Variants in RORA observed in about 807,000 individuals in gnomAD.
RORA encodes nuclear receptor ROR-alpha.
A neutral mutation model predicts 69.5 loss-of-function variants in RORA; 7 were observed. The ratio of observed to expected loss-of-function variants is 0.10; its 90% CI spans 0.06 to 0.19. RORA has a LOEUF of 0.19. RORA is among the 10% of genes least tolerant of loss of function. The pLI is 1.00. For missense variants in RORA, 457 were observed against 663.0 expected, an observed-to-expected ratio of 0.69 and a Z score of 3.41; for synonymous variants, 261 against 240.8, an observed-to-expected ratio of 1.08 and a Z score of -0.78.
At chr15:60,799,852 T>C (rs754868765) in intron 1 of RORA, among the ~76,000 whole-genome samples, 6 of 152,236 alleles carry the variant, frequency 3.9e-5, no homozygotes, top group Non-Finnish European at 5.9e-5. Context: ...TCAAGATATG[T>C]AGATAGGAAT....
intron 2 of RORA, among the ~76,000 whole-genome samples, chr15:60,541,555 G>A (rs1376893496): frequency 3.3e-5 from 5 of 152,186 alleles, no homozygotes. Context: ...ATTCCCAAGG[G>A]GAAGTGGCAG....
At chr15:61,113,743 T>C (rs1195556175) in intron 1 of RORA, among the ~76,000 whole-genome samples, 1 of 152,100 alleles carries the variant, frequency 6.6e-6, no homozygotes, top group African/African-American at 2.4e-5. Context: ...TTTCTTGAGA[T>C]TACTGCTCAG....
At position 60,526,998 on chromosome 15, in the gene RORA, T is replaced by G. The variant is rs148962708; in HGVS notation, c.282+4768A>C. ...AATATATTTGTTAACGCAGAGACAT[T>G]GTCTCAAATTATCTTTAGTGGGTAG... On this transcript the variant is annotated intron_variant, in intron 3 of 10. Transcript: ENST00000335670. Among the ~76,000 whole-genome samples the G allele has an allele frequency of 4.6e-5, 7 of 152,330 alleles. No individual in the cohort carries two copies. In the East Asian group the frequency reaches 1.2e-3, roughly 25 times the overall value.
At chr15:60,787,169 C>A (rs986006472) in intron 1 of RORA, among the ~76,000 whole-genome samples, 2 of 152,202 alleles carry the variant, frequency 1.3e-5, no homozygotes, top group Admixed American at 6.5e-5. Context: ...AAGAGAAATG[C>A]TGGGGAGCGC....
At chr15:61,072,246 A>T (rs1198033940) in intron 1 of RORA, among the ~76,000 whole-genome samples, 1 of 152,168 alleles carries the variant, frequency 6.6e-6, no homozygotes. Context: ...ATGAGAAGAC[A>T]TCATTACCTG....
chr15:60,908,889 TA>T (rs1236716729), intron 1 of RORA, among the ~76,000 whole-genome samples: 1 of 151,910 alleles, frequency 6.6e-6, no homozygotes, highest in Non-Finnish European at 1.5e-5. Flanking sequence ...TTTTTTTTTT[TA>T]TTAAAGAGAG....
chr15:60,985,981 G>T (rs8028205), intron 1 of RORA, among the ~76,000 whole-genome samples: 33,621 of 152,102 alleles, frequency 0.22, 3,950 homozygotes, highest in African/African-American at 0.28. Flanking sequence ...GAACCACAAC[G>T]GATCCGAATC....
At chr15:60,852,949 C>A (rs1158280035) in intron 1 of RORA, among the ~76,000 whole-genome samples, 1 of 152,058 alleles carries the variant, frequency 6.6e-6, no homozygotes, top group African/African-American at 2.4e-5. Flanking sequence ...GGACAAAGGC[C>A]CTCTTCTGCT....
chr15:60,804,122 C>G (rs2072624811), intron 1 of RORA, among the ~76,000 whole-genome samples: 2 of 151,902 alleles, frequency 1.3e-5, no homozygotes, highest in African/African-American at 4.8e-5. Flanking sequence ...AACCTTGTCT[C>G]TACTAAAAAT....
intron 1 of RORA, among the ~76,000 whole-genome samples, chr15:61,104,638 C>T (rs572731033): frequency 6.6e-6 from 1 of 152,156 alleles, no homozygotes; most frequent in African/African-American, 2.4e-5. Context: ...CCACTCTCCC[C>T]CACTCTCTAC....
chr15:60,592,653 CG>C, intron 2 of RORA: 1 of 1,114,316 alleles, frequency 9.0e-7, no homozygotes, highest in Non-Finnish European at 1.1e-6. Context: ...AGGCGGGAGG[CG>C]GGAGGCAGGC....
chr15:61,204,870 G>A (rs1184675295), intron 1 of RORA, among the ~76,000 whole-genome samples: 1 of 152,240 alleles, frequency 6.6e-6, no homozygotes, highest in African/African-American at 2.4e-5. Flanking sequence ...TGCAGTGGGT[G>A]TATTTTCCAA....
intron 2 of RORA, chr15:60,592,840 G>T: frequency 2.0e-6 from 1 of 500,870 alleles, no homozygotes; most frequent in Non-Finnish European, 3.7e-6. Flanking sequence ...TGCACGCAGC[G>T]CCCCGCGGAA....
At chr15:60,521,598 C>G (rs529023481) in intron 3 of RORA, among the ~76,000 whole-genome samples, 2 of 152,204 alleles carry the variant, frequency 1.3e-5, no homozygotes, top group South Asian at 2.1e-4. Flanking sequence ...CTTTGACTTC[C>G]TTTTGTTAAG....
intron 1 of RORA, among the ~76,000 whole-genome samples, chr15:60,959,546 A>T (rs1893358405): frequency 6.6e-6 from 1 of 152,244 alleles, no homozygotes; most frequent in African/African-American, 2.4e-5. Context: ...AATAAACAAC[A>T]ACAACAACAA....
intron 1 of RORA, among the ~76,000 whole-genome samples, chr15:60,699,169 C>G (rs1285925251): frequency 6.6e-6 from 1 of 151,904 alleles, no homozygotes; most frequent in East Asian, 1.9e-4. Context: ...TATAAATATC[C>G]TCTTTAAAAT....
intron 1 of RORA, among the ~76,000 whole-genome samples, chr15:61,179,293 G>A (rs1053296081): frequency 2.0e-5 from 3 of 152,212 alleles, no homozygotes; most frequent in African/African-American, 7.2e-5. Context: ...GAGTTTTCCA[G>A]GGGTTACATG....
At chr15:60,668,126 A>T (rs1002931361) in intron 2 of RORA, among the ~76,000 whole-genome samples, 1 of 152,096 alleles carries the variant, frequency 6.6e-6, no homozygotes, top group Non-Finnish European at 1.5e-5. Context: ...TCTCAGGGGG[A>T]AGCCCTACAG....
rs559705121 is a variant in RORA at position 60,974,711 on chromosome 15, T to G, written c.166+254342A>C. ...AAACAAGGCCCCCCAAAGCCACAGATGAGTGGCAGCATCATACAACTTAAA... is the reference window on the plus strand; with the variant it reads ...AAACAAGGCCCCCCAAAGCCACAGAGGAGTGGCAGCATCATACAACTTAAA... On this transcript the variant is annotated intron_variant, in intron 1 of 10. Transcript: ENST00000335670. Among the ~76,000 whole-genome samples the G allele has an allele frequency of 1.4e-4, 22 of 152,238 alleles. No homozygotes were observed. In the South Asian group the frequency reaches 4.6e-3, roughly 32 times the overall value.
Sources: allele counts gnomAD v4.1 joint callset (sites outside exome capture counted in the v4.1 genomes callset), GRCh38; gene constraint gnomAD v4.1.1; transcripts MANE v1.5; gene names NCBI Gene and HGNC (gene_info 2026-07-23, HGNC 2026-07-21).